THADA: variants seen among roughly 807,000 people sequenced by gnomAD.
THADA encodes the protein tRNA (32-2'-O)-methyltransferase regulator THADA.
A neutral mutation model predicts 219.8 loss-of-function variants in THADA; 213 were observed. That is an observed-to-expected ratio of 0.97 (90% CI 0.87 to 1.09). The LOEUF is 1.09. Ranked by LOEUF, THADA falls within the 50% of genes least tolerant of loss-of-function variation. The probability of loss-of-function intolerance (pLI) is 0.00; values close to 1 mark genes in which losing one functional copy is unlikely to be tolerated. For synonymous variants in THADA, 1,018 were observed against 828.9 expected (o/e 1.23, Z -3.92); for missense variants, 2,956 against 2,311.3 (o/e 1.28, Z -5.72).
intron 4 of THADA, among the ~76,000 whole-genome samples, 169 bp downstream of exon 4, chr2:43,590,644 CAAAAAAAAAAA>C (rs768406325): frequency 3.4e-5 from 2 of 59,228 alleles, no homozygotes; most frequent in African/African-American, 6.7e-5. Context: ...GACTCCGTCT[CAAAAAAAAAAA>C]AAAAAAAAAA....
Position 43,590,552 on chromosome 2 carries a change from G to A in THADA, c.302+272C>T, listed in dbSNP as rs1242631789. ...TTAGCCGGGTGTGGTGGCTGAGGCA[G>A]GAGAATGGCGTGAACCCGGGAGGCA... On this transcript the variant is annotated intron_variant, in intron 4 of 37. Coordinates refer to ENST00000405975, the MANE Select transcript of THADA (RefSeq NM_022065.5). 4.0e-5 allele frequency among the ~76,000 whole-genome samples: 6 copies of A among 151,420 alleles called. No homozygotes were observed. The East Asian group carries it at 9.8e-4, about 25-fold the overall frequency.
chr2:43,437,569 C>A (rs1030878852), intron 26 of THADA, among the ~76,000 whole-genome samples: 11 of 152,054 alleles, frequency 7.2e-5, no homozygotes, highest in Non-Finnish European at 1.5e-4. Flanking sequence ...TTAGATTAAT[C>A]GAAGGAGCCA....
chr2:43,591,104 T>C (rs893056105), intron 3 of THADA, 150 bp from the exon 4 acceptor site: 2 of 666,818 alleles, frequency 3.0e-6, no homozygotes, highest in Non-Finnish European at 4.8e-6. Context: ...GCAGATCGCT[T>C]GAGCCCAGGA....
intron 28 of THADA, among the ~76,000 whole-genome samples, chr2:43,418,370 T>C: frequency 6.6e-6 from 1 of 152,196 alleles, no homozygotes; most frequent in South Asian, 2.1e-4. Context: ...AAACCAATGC[T>C]CCTTTGTTAC....
chr2:43,493,733 C>T (rs1687937743), intron 25 of THADA, among the ~76,000 whole-genome samples: 1 of 152,168 alleles, frequency 6.6e-6, no homozygotes, highest in African/African-American at 2.4e-5. Context: ...TTTCTGTTAA[C>T]TTAGATTGTT....
chr2:43,571,827 A>G lies in THADA; in HGVS notation c.1944T>C (p.Ser648=). The part of the protein sequence containing the change: ...RIDTLGLLCE[S]NRSTEIVSME... ...TGGAAACAATTTCTGTGCTCCGATTACTTTCACAAAGCAAGCCTAATGTAT... is the reference window on the plus strand; with the variant it reads ...TGGAAACAATTTCTGTGCTCCGATTGCTTTCACAAAGCAAGCCTAATGTAT... The change falls in exon 13 of 38, where the codon AGT becomes AGC. Residue 648 remains serine, a synonymous_variant. Transcript: ENST00000405975. The G allele has an allele frequency of 6.2e-7, 1 of 1,613,944 alleles. No individual in the cohort carries two copies.
At chr2:43,362,779 T>G (rs1004273916) in intron 29 of THADA, among the ~76,000 whole-genome samples, 4 of 152,256 alleles carry the variant, frequency 2.6e-5, no homozygotes, top group African/African-American at 4.8e-5. Context: ...GTTTGTTTTG[T>G]AATAACACAG....
chr2:43,306,327 C>G (rs776735734), intron 31 of THADA, among the ~76,000 whole-genome samples: 2 of 152,136 alleles, frequency 1.3e-5, no homozygotes, highest in Non-Finnish European at 2.9e-5. Flanking sequence ...CTGGTTCTTT[C>G]GGCGAATTGG....
intron 20 of THADA, among the ~76,000 whole-genome samples, chr2:43,546,403 G>A (rs960810156): frequency 3.9e-5 from 6 of 152,184 alleles, no homozygotes; most frequent in Non-Finnish European, 8.8e-5. Context: ...GTGCAGAACT[G>A]AGTTCAATTC....
rs1188391024 is a variant in THADA at position 43,498,849 on chromosome 2, G to A, written c.3728C>T (p.Thr1243Ile). ...DGAKAAILGF[T>I]SPVWAVRNSS... ...AGCACTTACTGCCCAGACCGGTGATGTAAAACCCAGAATTGCAGCCTTAGC... is the reference window on the plus strand; with the variant it reads ...AGCACTTACTGCCCAGACCGGTGATATAAAACCCAGAATTGCAGCCTTAGC... Residue 1243 changes from threonine (T) to isoleucine (I), a missense_variant, in exon 25 of 38, where the codon ACA becomes ATA. Coordinates refer to ENST00000405975, the MANE Select transcript of THADA (RefSeq NM_022065.5). 6.2e-7 allele frequency: 1 copy of A among 1,612,922 alleles called. No individual in the cohort carries two copies. Among genetic ancestry groups the A allele is most frequent in the African/African-American group, 1.3e-5 (1 of 74,936 alleles).
intron 26 of THADA, among the ~76,000 whole-genome samples, chr2:43,435,854 A>T (rs1010678359): frequency 2.0e-5 from 3 of 151,594 alleles, no homozygotes; most frequent in Non-Finnish European, 4.4e-5. Flanking sequence ...CTATTTTGAA[A>T]ATTTGGGATT....
At chr2:43,275,940 C>T (rs114904276) in intron 36 of THADA, among the ~76,000 whole-genome samples, 5,531 of 152,230 alleles carry the variant, frequency 0.036, 171 homozygotes, top group South Asian at 0.17. Context: ...ATTAAATGCC[C>T]GATGTGGTAT....
intron 28 of THADA, among the ~76,000 whole-genome samples, chr2:43,401,674 A>T (rs891968910): frequency 6.6e-6 from 1 of 152,218 alleles, no homozygotes; most frequent in African/African-American, 2.4e-5. Flanking sequence ...TCTCTTTACT[A>T]TGCAACATTC....
At chr2:43,389,816 G>T (rs1036019280) in intron 29 of THADA, among the ~76,000 whole-genome samples, 4 of 152,160 alleles carry the variant, frequency 2.6e-5, no homozygotes, top group Non-Finnish European at 5.9e-5. Context: ...CATGTCTCCA[G>T]TCCATCCTGG....
intron 22 of THADA, among the ~76,000 whole-genome samples, chr2:43,525,121 T>G (rs1692996151): frequency 1.3e-5 from 2 of 152,162 alleles, no homozygotes; most frequent in Non-Finnish European, 2.9e-5. Context: ...ACAAAAAAAC[T>G]TACTCATCTT....
At chr2:43,381,838 G>A (rs1672072076) in intron 29 of THADA, among the ~76,000 whole-genome samples, 2 of 152,070 alleles carry the variant, frequency 1.3e-5, no homozygotes, top group African/African-American at 2.4e-5. Flanking sequence ...GCCTGCCTCG[G>A]CCTCCCAAAG....
Position 43,574,706 on chromosome 2 carries a change from T to G in THADA, c.1359A>C (p.Gly453=). ...CCAAACAACCAAGGCACGTGTACTT[T>G]CCTTTAATATGCCATTCCAATCGTA... ...SLLRLEWHIK[G]KYTCLGCLVE... is the part of the protein sequence containing the mutation. The change falls in exon 11 of 38, where the codon GGA becomes GGC. Residue 453 remains glycine, a synonymous_variant. Transcript: ENST00000405975. The G allele has an allele frequency of 6.2e-7, 1 of 1,614,050 alleles. No individual in the cohort carries two copies.
chr2:43,577,116 G>T lies in THADA; in HGVS notation c.943C>A (p.Leu315Ile), dbSNP rs771891596. 3.1e-6 allele frequency: 5 copies of T among 1,613,100 alleles called. No homozygotes were observed. The highest frequency in any genetic ancestry group is 2.2e-5 in the East Asian group (1 of 44,896). ...CCGTTCTGCCAGTCCAACATGGCAA[G>T]TGTCCCCTGACAGAGGAATAAGACA... ...SAVLFLCQGTLAMLDWQNGSM... is the reference protein window; with the variant it reads ...SAVLFLCQGTIAMLDWQNGSM... The change falls in exon 10 of 38, where the codon CTT (leucine) becomes ATT (isoleucine). Residue 315 changes from leucine to isoleucine, a missense_variant. Leu to Ile is a conservative substitution (Grantham distance 5, BLOSUM62 2). Transcript: ENST00000405975.
At chr2:43,238,895 G>A (rs1668338361) in intron 36 of THADA, among the ~76,000 whole-genome samples, 1 of 136,864 alleles carries the variant, frequency 7.3e-6, no homozygotes, top group African/African-American at 3.7e-5. Context: ...AGCTGTGGGA[G>A]CTGGGGGTTG....
Sources: allele counts gnomAD v4.1 joint callset (sites outside exome capture counted in the v4.1 genomes callset), GRCh38; gene constraint gnomAD v4.1.1; transcripts MANE v1.5; gene names NCBI Gene and HGNC (gene_info 2026-07-23, HGNC 2026-07-21).